The following GALNT17 variants were observed in gnomAD, a reference collection of about 807,000 sequenced individuals.
GALNT17 encodes UDP-GalNAc:polypeptide N-acetylgalactosaminyltransferase-like 3.
GALNT17 carries 29 observed loss-of-function variants against 63.7 expected under a neutral mutation model. That is an observed-to-expected ratio of 0.46 (90% confidence interval 0.34 to 0.62). The LOEUF (loss-of-function observed/expected upper bound fraction) is 0.62, where lower values mean the gene tolerates loss of function less well. GALNT17 is among the 20% of genes least tolerant of loss of function. The probability of loss-of-function intolerance (pLI) is 0.01; values close to 1 mark genes in which losing one functional copy is unlikely to be tolerated. For missense variants in GALNT17, 603 were observed against 799.6 expected (o/e 0.75, Z 2.97); for synonymous variants, 305 against 318.3 (o/e 0.96, Z 0.45).
rs542190709 is a variant in GALNT17 at position 71,294,886 on chromosome 7, A to G, written c.239-40664A>G. On this transcript the variant is annotated intron_variant, in intron 1 of 10. Transcript: ENST00000333538. ...CCCTTTTCCAAGAATTTTGCATTAT[A>G]TATTTTGAAGTAATGTCATTTAATC... Among the ~76,000 whole-genome samples, 9 of 152,304 alleles carry G rather than the reference A, an allele frequency of 5.9e-5. No homozygotes were observed. The East Asian group carries it at 1.7e-3, about 29-fold the overall frequency.
At chr7:71,527,804 A>G (rs914500786) in intron 5 of GALNT17, among the ~76,000 whole-genome samples, 2 of 152,178 alleles carry the variant, frequency 1.3e-5, no homozygotes, top group African/African-American at 4.8e-5. Flanking sequence ...GCACACACGC[A>G]TATACACACC....
chr7:71,703,129 T>C (rs1247144943), intron 9 of GALNT17, among the ~76,000 whole-genome samples: 1 of 152,232 alleles, frequency 6.6e-6, no homozygotes, highest in African/African-American at 2.4e-5. Context: ...TGACTACATA[T>C]AGGAGAAGTT....
intron 1 of GALNT17, among the ~76,000 whole-genome samples, chr7:71,237,712 G>A (rs890938132): frequency 2.0e-5 from 3 of 151,878 alleles, no homozygotes; most frequent in South Asian, 2.1e-4. Context: ...ACAAGTAAAC[G>A]GAAAATAGCC....
At chr7:71,304,963 C>T (rs571752223) in intron 1 of GALNT17, among the ~76,000 whole-genome samples, 4 of 152,112 alleles carry the variant, frequency 2.6e-5, no homozygotes, top group Admixed American at 2.0e-4. Flanking sequence ...CATGGCTGGC[C>T]TCCGTGATTC....
chr7:71,174,723 G>T (rs1788604927), intron 1 of GALNT17, among the ~76,000 whole-genome samples: 1 of 152,166 alleles, frequency 6.6e-6, no homozygotes, highest in Non-Finnish European at 1.5e-5. Flanking sequence ...GCATTGATCA[G>T]TTAGGGTGGG....
At chr7:71,516,249 G>A (rs1284602160) in intron 5 of GALNT17, among the ~76,000 whole-genome samples, 2 of 152,070 alleles carry the variant, frequency 1.3e-5, no homozygotes, top group Admixed American at 6.6e-5. Context: ...GAAAAAAAAA[G>A]GGAGGCAGTT....
chr7:71,616,084 G>A (rs541295034), intron 6 of GALNT17, among the ~76,000 whole-genome samples: 15 of 152,024 alleles, frequency 9.9e-5, no homozygotes, highest in African/African-American at 2.7e-4. Flanking sequence ...GCCTATAGAC[G>A]AGCTCCCAGT....
intron 5 of GALNT17, among the ~76,000 whole-genome samples, chr7:71,513,749 T>C (rs1788402374): frequency 6.6e-6 from 1 of 152,092 alleles, no homozygotes; most frequent in South Asian, 2.1e-4. Flanking sequence ...AGAAAAAGTA[T>C]GTAGGAAAAT....
intron 1 of GALNT17, among the ~76,000 whole-genome samples, chr7:71,196,497 A>G (rs893750231): frequency 2.4e-4 from 37 of 152,118 alleles, no homozygotes; most frequent in African/African-American, 8.7e-4. Context: ...CACGAGTACA[A>G]TGTGCTGAGT....
chr7:71,506,430 C>T (rs981958994), intron 5 of GALNT17, among the ~76,000 whole-genome samples: 2 of 151,980 alleles, frequency 1.3e-5, no homozygotes, highest in Non-Finnish European at 2.9e-5. Context: ...CCACGCCAGT[C>T]TAATTTTTGT....
At chr7:71,683,646 T>C (rs2079963) in intron 9 of GALNT17, among the ~76,000 whole-genome samples, 6 of 152,208 alleles carry the variant, frequency 3.9e-5, no homozygotes, top group African/African-American at 1.4e-4. Flanking sequence ...CGCCTTGGTT[T>C]TGGCTGATTA....
chr7:71,183,815 G>C (rs540153771), intron 1 of GALNT17, among the ~76,000 whole-genome samples: 1 of 151,980 alleles, frequency 6.6e-6, no homozygotes, highest in East Asian at 1.9e-4. Flanking sequence ...GCGTGAACCC[G>C]GTAGGCAGAG....
At position 71,134,383 on chromosome 7, in the gene GALNT17, G is replaced by A. The variant is rs777486681; in HGVS notation, c.238+1343G>A. On this transcript the variant is annotated intron_variant, in intron 1 of 10. Transcript: ENST00000333538. ...TTGGAGGATCTCAACTGTCTTCACT[G>A]TGGTGGCAAGGGGCAGGGAGAAGGA... Among the ~76,000 whole-genome samples the A allele has an allele frequency of 6.0e-4, 91 of 152,332 alleles. 1 individual carries two copies. The highest frequency in any genetic ancestry group is 9.8e-4 in the Admixed American group (15 of 15,296).
At chr7:71,643,163 C>G (rs1790627518) in intron 6 of GALNT17, among the ~76,000 whole-genome samples, 1 of 149,816 alleles carries the variant, frequency 6.7e-6, no homozygotes, top group Non-Finnish European at 1.5e-5. Flanking sequence ...CAACGCTATT[C>G]AGAACTATCA....
rs980636735 is a variant in GALNT17, at chr7:71,592,964, T to C, written c.1080+21562T>C. On this transcript the variant is annotated intron_variant, in intron 6 of 10. Transcript: ENST00000333538. The stretch of plus-strand genomic sequence containing the variant: ...GAGTTCGAGACCAGCCTGGGCAACA[T>C]AGTGAAACTCTTGTCTCTACAAAAG... 3.9e-5 allele frequency among the ~76,000 whole-genome samples: 6 copies of C among 151,972 alleles called. No homozygotes were observed. The East Asian group carries it at 1.2e-3, about 29-fold the overall frequency.
chr7:71,164,614 G>C (rs908331465), intron 1 of GALNT17, among the ~76,000 whole-genome samples: 2 of 152,184 alleles, frequency 1.3e-5, no homozygotes, highest in Admixed American at 6.6e-5. Flanking sequence ...TGCAACATGT[G>C]GTTCTGTCTT....
chr7:71,407,498 A>C (rs563007334), intron 3 of GALNT17, among the ~76,000 whole-genome samples: 25 of 152,354 alleles, frequency 1.6e-4, no homozygotes, highest in African/African-American at 5.8e-4. Context: ...GTGTAATCCC[A>C]GCACTTTGGG....
intron 1 of GALNT17, among the ~76,000 whole-genome samples, chr7:71,257,894 G>C (rs1451778329): frequency 2.0e-5 from 3 of 152,200 alleles, no homozygotes; most frequent in Non-Finnish European, 1.5e-5. Flanking sequence ...ACAGCCTCCT[G>C]GGCATTGACA....
At chr7:71,369,207 T>A (rs10261057) in intron 2 of GALNT17, among the ~76,000 whole-genome samples, 20,640 of 152,228 alleles carry the variant, frequency 0.14, 1,719 homozygotes, top group East Asian at 0.4. Flanking sequence ...ATTAAACCAA[T>A]ACTTATCAAG....
Sources: allele counts gnomAD v4.1 joint callset (sites outside exome capture counted in the v4.1 genomes callset), GRCh38; gene constraint gnomAD v4.1.1; transcripts MANE v1.5; gene names NCBI Gene and HGNC (gene_info 2026-07-23, HGNC 2026-07-21).